The following LYPLAL1 variants were observed in gnomAD, a reference collection of about 807,000 sequenced individuals.
The protein encoded by LYPLAL1 is lysophospholipase like 1, also known as lysophospholipase-like protein 1.
Under a neutral mutation model 19.7 loss-of-function variants are expected in LYPLAL1, and 23 were observed. That is an observed-to-expected ratio of 1.17 (90% CI 0.84 to 1.65). LYPLAL1 has a LOEUF of 1.65. LYPLAL1 is among the 40% of genes most tolerant of loss of function. The pLI is 0.00. For missense variants in LYPLAL1, 355 were observed against 279.4 expected (o/e 1.27, Z -1.93); for synonymous variants, 119 against 96.3 (o/e 1.24, Z -1.38).
the LYPLAL1 span, among the ~76,000 whole-genome samples, chr1:219,277,802 T>A: frequency 2.6e-5 from 4 of 152,122 alleles, no homozygotes; most frequent in South Asian, 2.1e-4. Flanking sequence ...ATTTTTTTTT[T>A]AAATATCAGA....
chr1:219,281,025 G>A, the LYPLAL1 span, among the ~76,000 whole-genome samples: 1 of 152,114 alleles, frequency 6.6e-6, no homozygotes, highest in Admixed American at 6.5e-5. Context: ...TTCCAGCCTG[G>A]GTGACAAGGT....
rs201344469 is a variant in LYPLAL1, at chr1:219,179,215, A to T, written c.160A>T (p.Ile54Leu). 3.7e-6 allele frequency: 6 copies of T among 1,612,340 alleles called. No homozygotes were observed. Among genetic ancestry groups the T allele is most frequent in the Non-Finnish European group, 5.1e-6 (6 of 1,179,082 alleles). ...VLNQDLTFQH[I>L]KIIYPTAPPR... ...AAATCAAGATTTAACATTCCAACAC[A>T]TAAAAATTATTTATCCAACAGCTCC... The change falls in exon 2 of 5, where the codon ATA becomes TTA. Residue 54 changes from isoleucine (I) to leucine (L), a missense_variant. Physicochemically the swap from Ile to Leu is conservative, Grantham distance 5. Transcript: ENST00000366928.
At chr1:219,299,399 G>A in the LYPLAL1 span, among the ~76,000 whole-genome samples, 3,858 of 152,230 alleles carry the variant, frequency 0.025, 74 homozygotes, top group Non-Finnish European at 0.038. Context: ...TTTAAAAAAA[G>A]AAGGTATCAT....
chr1:219,342,639 T>C, the LYPLAL1 span, among the ~76,000 whole-genome samples: 391 of 152,284 alleles, frequency 2.6e-3, 2 homozygotes, highest in African/African-American at 8.1e-3. Context: ...TTGCATTTTC[T>C]GAATTGCTTT....
chr1:219,228,036 T>G, the LYPLAL1 span, among the ~76,000 whole-genome samples: 4 of 152,190 alleles, frequency 2.6e-5, no homozygotes, highest in African/African-American at 9.7e-5. Flanking sequence ...GCTCTCAGAC[T>G]GACTCCCTCT....
chr1:219,197,815 A>G (rs1436559706), intron 3 of LYPLAL1, among the ~76,000 whole-genome samples: 1 of 152,210 alleles, frequency 6.6e-6, no homozygotes, highest in Non-Finnish European at 1.5e-5. Flanking sequence ...TGGGCAAAGT[A>G]CATGAACAGA....
the LYPLAL1 span, among the ~76,000 whole-genome samples, chr1:219,309,093 A>C: frequency 6.6e-6 from 1 of 152,306 alleles, no homozygotes; most frequent in Admixed American, 6.5e-5. Flanking sequence ...TGAGACCTGG[A>C]GTCAAGGGCG....
the LYPLAL1 span, among the ~76,000 whole-genome samples, chr1:219,329,985 G>A: frequency 4.0e-5 from 6 of 151,898 alleles, no homozygotes; most frequent in Non-Finnish European, 8.8e-5. Context: ...TTATATAGCA[G>A]AGGACAGCAG....
the LYPLAL1 span, among the ~76,000 whole-genome samples, chr1:219,328,742 A>G: frequency 6.6e-6 from 1 of 152,198 alleles, no homozygotes. Flanking sequence ...AACCAAAATT[A>G]TAAAATTACA....
the LYPLAL1 span, among the ~76,000 whole-genome samples, chr1:219,422,346 C>G: frequency 6.6e-6 from 1 of 152,168 alleles, no homozygotes; most frequent in Non-Finnish European, 1.5e-5. Flanking sequence ...TAACCAGCCC[C>G]TGATCTACAG....
the LYPLAL1 span, among the ~76,000 whole-genome samples, chr1:219,241,134 C>CTCTCTCTCTCTCTCTCTCTCTATA: frequency 2.3e-5 from 1 of 44,368 alleles, no homozygotes; most frequent in Non-Finnish European, 4.3e-5. Context: ...CTCTCTCTCT[C>CTCTCTCTCTCTCTCTCTCTCTATA]TATATATATA....
chr1:219,173,962 G>A lies in LYPLAL1; in HGVS notation c.72G>A (p.Leu24=), dbSNP rs1327078099. The change falls in exon 1 of 5, where the codon CTG becomes CTA. Residue 24 remains leucine (L), a synonymous_variant. Transcript: ENST00000366928. ...CGGCAGGGAGGCATAGCGCCTCTCTGATCTTCCTGCATGGCTCAGGTGGAT... is the reference window on the plus strand; with the variant it reads ...CGGCAGGGAGGCATAGCGCCTCTCTAATCTTCCTGCATGGCTCAGGTGGAT... The part of the protein sequence containing the change: ...VSPAGRHSAS[L]IFLHGSGDSG... 3 of 1,614,090 alleles carry A rather than the reference G, an allele frequency of 1.9e-6. No homozygotes were observed. Among genetic ancestry groups the A allele is most frequent in the East Asian group, 2.2e-5 (1 of 44,880 alleles).
chr1:219,298,708 G>A, the LYPLAL1 span, among the ~76,000 whole-genome samples: 1 of 152,210 alleles, frequency 6.6e-6, no homozygotes, highest in Non-Finnish European at 1.5e-5. Flanking sequence ...TTAAAAGGAG[G>A]TTTAAAAAGA....
the LYPLAL1 span, among the ~76,000 whole-genome samples, chr1:219,325,119 A>G: frequency 6.6e-6 from 1 of 152,194 alleles, no homozygotes; most frequent in Non-Finnish European, 1.5e-5. Flanking sequence ...TCAAGAATCC[A>G]TGATAACACT....
chr1:219,220,667 T>A, the LYPLAL1 span, among the ~76,000 whole-genome samples: 1 of 152,130 alleles, frequency 6.6e-6, no homozygotes, highest in Non-Finnish European at 1.5e-5. Flanking sequence ...AGACATGACA[T>A]TTCTGGAGTC....
chr1:219,264,462 C>T, the LYPLAL1 span, among the ~76,000 whole-genome samples: 1 of 152,106 alleles, frequency 6.6e-6, no homozygotes, highest in Non-Finnish European at 1.5e-5. Flanking sequence ...AGAATGTTTA[C>T]CAACTTGGGC....
At chr1:219,266,275 T>A in the LYPLAL1 span, among the ~76,000 whole-genome samples, 1 of 152,148 alleles carries the variant, frequency 6.6e-6, no homozygotes, top group Non-Finnish European at 1.5e-5. Context: ...AAAATGTATT[T>A]TTCTTGTACT....
the LYPLAL1 span, among the ~76,000 whole-genome samples, chr1:219,320,795 A>G: frequency 6.6e-6 from 1 of 152,216 alleles, no homozygotes; most frequent in Non-Finnish European, 1.5e-5. Flanking sequence ...GCTGCATAGT[A>G]TTCCATTGTG....
the LYPLAL1 span, among the ~76,000 whole-genome samples, chr1:219,370,428 T>A: frequency 6.6e-6 from 1 of 152,198 alleles, no homozygotes; most frequent in Admixed American, 6.5e-5. Context: ...TATATCTCGA[T>A]TCTGCATTCC....
Sources: allele counts gnomAD v4.1 joint callset (sites outside exome capture counted in the v4.1 genomes callset), GRCh38; gene constraint gnomAD v4.1.1; transcripts MANE v1.5; gene names NCBI Gene and HGNC (gene_info 2026-07-23, HGNC 2026-07-21).